The following SAR1B variants were observed in gnomAD, a reference collection of about 807,000 sequenced individuals.
SAR1B encodes secretion associated Ras related GTPase 1B.
A neutral mutation model predicts 26.8 loss-of-function variants in SAR1B; 23 were observed. That is an observed-to-expected ratio of 0.86 (90% CI 0.62 to 1.22). The LOEUF is 1.22. Among genes scored for constraint, SAR1B ranks in the 50% most tolerant of loss-of-function variants. The pLI is 0.00. For missense variants in SAR1B, 196 were observed against 232.8 expected, an observed-to-expected ratio of 0.84 and a Z score of 1.03; for synonymous variants, 65 against 80.8, an observed-to-expected ratio of 0.80 and a Z score of 1.05.
rs1303246475 is a variant in SAR1B at position 134,624,010 on chromosome 5, T to C, written c.10A>G (p.Ile4Val). The C allele has an allele frequency of 1.2e-6, 2 of 1,610,266 alleles. No individual in the cohort carries two copies. Among genetic ancestry groups the C allele is most frequent in the Non-Finnish European group, 1.7e-6 (2 of 1,176,758 alleles). MSF[I>V]FDWIYSGFSS... ...AAACCACTGTAAATCCAATCAAATA[T>C]GAAGGACATATCCAAATCTGATAGG... is the stretch of plus-strand genomic sequence containing the variant. Residue 4 changes from isoleucine (I) to valine (V), a missense_variant, in exon 2 of 7, where the codon ATA becomes GTA. Physicochemically the swap from Ile to Val is conservative, Grantham distance 29 (BLOSUM62 3). Coordinates refer to ENST00000402673, the MANE Select transcript of SAR1B (RefSeq NM_016103.4).
rs536512434 is a variant in SAR1B, at chr5:134,602,249, A to G, written c.*4701T>C. ...GGATTCTGTTTAAAAGTATGATGAA[A>G]GCCGTGAACAACAATTAGTGCCATT... On this transcript the variant is annotated 3_prime_UTR_variant, in exon 7 of 7. Transcript: ENST00000402673. 1 of 152,338 alleles carries G rather than the reference A, an allele frequency of 6.6e-6. No homozygotes were observed. Among genetic ancestry groups the G allele is most frequent in the African/African-American group, 2.4e-5 (1 of 41,582 alleles). The allele number at this position is 152,338 out of a possible 1,614,324, so 9.4% of individuals were successfully genotyped here.
rs1010442060 is a variant in SAR1B, at chr5:134,601,620, C to A, written c.*5330G>T. 6.6e-6 allele frequency: 1 copy of A among 152,154 alleles called. No individual in the cohort carries two copies. Among genetic ancestry groups the A allele is most frequent in the Non-Finnish European group, 1.5e-5 (1 of 68,036 alleles). 9.4% of individuals were successfully genotyped at this position (152,154 alleles called of 1,614,324 possible). On this transcript the variant is annotated 3_prime_UTR_variant, in exon 7 of 7. Transcript: ENST00000402673. ...CAACACCAGGGAATACAGAAACCCA[C>A]GTTAAGTTGGCCATTCTGACATGAA... is the stretch of plus-strand genomic sequence containing the variant.
intron 6 of SAR1B, among the ~76,000 whole-genome samples, chr5:134,607,513 C>G (rs1023523143): frequency 6.6e-6 from 1 of 152,150 alleles, no homozygotes; most frequent in African/African-American, 2.4e-5. Context: ...TGGCTCATGC[C>G]TGTAATCTCA....
rs1765027324 is a variant in SAR1B at position 134,601,168 on chromosome 5, T to C, written c.*5782A>G. The C allele has an allele frequency of 6.6e-6, 1 of 152,200 alleles. No individual in the cohort carries two copies. Among genetic ancestry groups the C allele is most frequent in the Admixed American group, 6.5e-5 (1 of 15,278 alleles). The allele number at this position is 152,200 out of a possible 1,614,324, so 9.4% of individuals were successfully genotyped here. On this transcript the variant is annotated 3_prime_UTR_variant, in exon 7 of 7. Coordinates refer to ENST00000402673, the MANE Select transcript of SAR1B (RefSeq NM_016103.4). ...CTAGAGTTCTTCAAGACCAGATTAG[T>C]ATTTTATTTTTCCCTTCCTAACACT... is the stretch of plus-strand genomic sequence containing the variant.
intron 5 of SAR1B, chr5:134,609,218 AGGCTGT>A: frequency 2.4e-6 from 1 of 421,186 alleles, no homozygotes; most frequent in Non-Finnish European, 4.6e-6. Flanking sequence ...TATCATTTCC[AGGCTGT>A]GGCTTAAGAT....
chr5:134,616,468 C>A (rs965376021), intron 3 of SAR1B, among the ~76,000 whole-genome samples: 1 of 151,318 alleles, frequency 6.6e-6, no homozygotes, highest in African/African-American at 2.4e-5. Context: ...GAAAGAAATT[C>A]TATGTGTAGA....
Position 134,601,486 on chromosome 5 carries a change from A to C in SAR1B, c.*5464T>G, listed in dbSNP as rs1668581441. 6.6e-6 allele frequency: 1 copy of C among 152,216 alleles called. No homozygotes were observed. Among genetic ancestry groups the C allele is most frequent in the South Asian group, 2.1e-4 (1 of 4,830 alleles). 9.4% of individuals were successfully genotyped at this position (152,216 alleles called of 1,614,324 possible). ...TACTTTACATTCAGCCAAATACTGA[A>C]GGTTTCACCATGGAAAAACACTTTT... is the stretch of plus-strand genomic sequence containing the variant. On this transcript the variant is annotated 3_prime_UTR_variant, in exon 7 of 7. Coordinates refer to ENST00000402673, the MANE Select transcript of SAR1B (RefSeq NM_016103.4).
Position 134,604,695 on chromosome 5 carries a change from G to A in SAR1B, c.*2255C>T, listed in dbSNP as rs1203053624. 6.6e-6 allele frequency: 1 copy of A among 152,130 alleles called. No homozygotes were observed. The highest frequency in any genetic ancestry group is 1.5e-5 in the Non-Finnish European group (1 of 68,026). The allele number at this position is 152,130 out of a possible 1,614,324, so 9.4% of individuals were successfully genotyped here. On this transcript the variant is annotated 3_prime_UTR_variant, in exon 7 of 7. Coordinates refer to ENST00000402673, the MANE Select transcript of SAR1B (RefSeq NM_016103.4). ...GATCCTAGTGTTACAATTAGAATGA[G>A]GGTTCTGGAGCAAGATATATTACAC...
At chr5:134,610,862 G>C (rs1035978355) in intron 4 of SAR1B, among the ~76,000 whole-genome samples, 2 of 150,750 alleles carry the variant, frequency 1.3e-5, no homozygotes, top group African/African-American at 4.9e-5. Flanking sequence ...TTTCTTCACT[G>C]ACTTGAGTTT....
chr5:134,628,903 C>A (rs1765548671), intron 1 of SAR1B, among the ~76,000 whole-genome samples: 1 of 152,054 alleles, frequency 6.6e-6, no homozygotes, highest in African/African-American at 2.4e-5. Flanking sequence ...ATCCACTCGC[C>A]TCGGTGTCCC....
chr5:134,614,570 T>C (rs930390543), intron 3 of SAR1B: 2 of 152,228 alleles, frequency 1.3e-5, no homozygotes, highest in Non-Finnish European at 2.9e-5. Flanking sequence ...ATTCTTACAA[T>C]TGTTCTTTGA....
chr5:134,614,878 CTG>C (rs1246728413), intron 3 of SAR1B: 5 of 152,290 alleles, frequency 3.3e-5, no homozygotes, highest in Non-Finnish European at 7.3e-5. Context: ...CCTGTGGTAG[CTG>C]TTGCCCAATG....
At chr5:134,609,147 G>T (rs919969117) in intron 5 of SAR1B, 3 of 456,930 alleles carry the variant, frequency 6.6e-6, no homozygotes, top group Non-Finnish European at 1.3e-5. Flanking sequence ...GGATACTGGA[G>T]GGGAGGTAGC....
At position 134,621,068 on chromosome 5, in the gene SAR1B, T is replaced by C; in HGVS notation, c.59-16A>G. ...TTATATAATCCTGCAAAGCAAGAGC[T>C]ATGATTGGTCAAAGTGATATCTGAT... is the stretch of plus-strand genomic sequence containing the variant. On this transcript the variant is annotated splice_polypyrimidine_tract_variant and intron_variant, in intron 2 of 6. Coordinates refer to ENST00000402673, the MANE Select transcript of SAR1B (RefSeq NM_016103.4). 5 of 1,612,238 alleles carry C rather than the reference T, an allele frequency of 3.1e-6. No homozygotes were observed. The highest frequency in any genetic ancestry group is 4.2e-6 in the Non-Finnish European group (5 of 1,178,660).
At position 134,607,121 on chromosome 5, in the gene SAR1B, C is replaced by T. The variant is rs1035258967; in HGVS notation, c.481-55G>A. ...ATTTTATAAAATTAATAAAGCCCCA[C>T]ATCCCAGCAGAATTATAGGTTCTAT... is the stretch of plus-strand genomic sequence containing the variant. On this transcript the variant is annotated intron_variant, in intron 6 of 6. Coordinates refer to ENST00000402673, the MANE Select transcript of SAR1B (RefSeq NM_016103.4). 4.7e-6 allele frequency: 5 copies of T among 1,065,682 alleles called. No individual in the cohort carries two copies. In the African/African-American group the frequency reaches 6.2e-5, roughly 13 times the overall value. 66.0% of individuals were successfully genotyped at this position (1,065,682 alleles called of 1,614,324 possible).
chr5:134,616,248 C>A (rs1765314859), intron 3 of SAR1B, among the ~76,000 whole-genome samples: 2 of 151,626 alleles, frequency 1.3e-5, no homozygotes, highest in Non-Finnish European at 2.9e-5. Context: ...ACCATCCTGG[C>A]AAACATGGTG....
chr5:134,609,036 T>G (rs769689226), intron 5 of SAR1B: 26 of 455,636 alleles, frequency 5.7e-5, no homozygotes, highest in Admixed American at 4.0e-4. Context: ...CATGGTATGA[T>G]CAACCTTCAA....
intron 1 of SAR1B, chr5:134,625,675 A>C (rs1253962556): frequency 2.0e-5 from 3 of 152,280 alleles, no homozygotes; most frequent in Non-Finnish European, 4.4e-5. Flanking sequence ...GGCAAACTCC[A>C]AGGCCTGGCT....
intron 1 of SAR1B, among the ~76,000 whole-genome samples, chr5:134,624,561 A>G (rs994728920): frequency 1.3e-5 from 2 of 152,162 alleles, no homozygotes; most frequent in Non-Finnish European, 2.9e-5. Context: ...TATTTCAAAA[A>G]ATTTCAAATG....
Sources: gnomAD v4.1 joint callset for allele counts (sites outside exome capture counted in the v4.1 genomes callset) on GRCh38, gnomAD v4.1.1 for gene constraint, MANE v1.5 for transcripts, NCBI Gene and HGNC (gene_info 2026-07-23, HGNC 2026-07-21) for gene names.